The following CD5 variants were observed in gnomAD, a reference collection of about 807,000 sequenced individuals.
CD5 encodes CD5 molecule, also known as T-cell surface glycoprotein CD5.
Under a neutral mutation model 60.3 loss-of-function variants are expected in CD5, and 36 were observed. The observed-to-expected ratio is 0.60, with a 90% CI of 0.46 to 0.79. The LOEUF (loss-of-function observed/expected upper bound fraction) is 0.79. Among genes scored for constraint, CD5 ranks in the 30% least tolerant of loss-of-function variants. CD5 has a pLI of 0.00. For synonymous variants in CD5, 230 were observed against 257.6 expected (o/e 0.89, Z 1.03); for missense variants, 540 against 630.6 (o/e 0.86, Z 1.54).
chr11:61,101,820 C>G (rs1427247209), upstream of CD5, among the ~76,000 whole-genome samples: 1 of 151,852 alleles, frequency 6.6e-6, no homozygotes, highest in Non-Finnish European at 1.5e-5. Context: ...ATGGAGCTCA[C>G]ACATACACCT....
chr11:61,098,217 T>G (rs1332250516), upstream of CD5, among the ~76,000 whole-genome samples: 2 of 152,172 alleles, frequency 1.3e-5, no homozygotes, highest in Non-Finnish European at 2.9e-5. Flanking sequence ...GCTCCCTTGT[T>G]TGCTACCTGT....
chr11:61,101,635 T>TCA (rs762160362), upstream of CD5, among the ~76,000 whole-genome samples: 1 of 134,660 alleles, frequency 7.4e-6, no homozygotes, highest in Non-Finnish European at 1.6e-5. Context: ...AACATGGAGA[T>TCA]CACACACACA....
In CD5 at chr11:61,114,906, C is replaced by A. The variant is rs1860916106; in HGVS notation, c.56-150C>A. Reference sequence around the variant, plus strand: ...ATTCATATCACTCAGGGGTTCCAACCTGGAGTATGAAAATTCCTGTCCCTA... The same window carrying A: ...ATTCATATCACTCAGGGGTTCCAACATGGAGTATGAAAATTCCTGTCCCTA... On this transcript the variant is annotated intron_variant, in intron 1 of 10. Transcript: ENST00000347785. The A allele has an allele frequency of 8.5e-6, 5 of 590,280 alleles. No homozygotes were observed. In the South Asian group the frequency reaches 1.4e-4, roughly 16 times the overall value. 36.6% of individuals were successfully genotyped at this position (590,280 alleles called of 1,614,324 possible).
chr11:61,104,774 C>G (rs1860754734), intron 1 of CD5, among the ~76,000 whole-genome samples: 1 of 152,250 alleles, frequency 6.6e-6, no homozygotes, highest in Non-Finnish European at 1.5e-5. Flanking sequence ...CCCATTGGCC[C>G]CATTTTACAG....
the CD5 span, among the ~76,000 whole-genome samples, chr11:61,095,670 G>A: frequency 4.8e-3 from 727 of 152,270 alleles, 2 homozygotes; most frequent in Non-Finnish European, 7.8e-3. Flanking sequence ...GGACCTGAAC[G>A]AGGGACCAGA....
intron 1 of CD5, among the ~76,000 whole-genome samples, chr11:61,103,058 C>T (rs1343668440): frequency 6.6e-6 from 1 of 152,238 alleles, no homozygotes; most frequent in Non-Finnish European, 1.5e-5. Context: ...TCTGATGATG[C>T]TCTGGACAGA....
intron 2 of CD5, among the ~76,000 whole-genome samples, chr11:61,116,713 TGCACACTATACACACCACA>T (rs1860967278): frequency 5.3e-5 from 1 of 19,020 alleles, no homozygotes; most frequent in Non-Finnish European, 1.6e-4. Context: ...ACACACCACA[TGCACACTATACACACCACA>T]CACACACCAC....
intron 1 of CD5, among the ~76,000 whole-genome samples, chr11:61,108,525 T>A (rs191186692): frequency 3.9e-5 from 6 of 152,352 alleles, no homozygotes; most frequent in African/African-American, 1.4e-4. Context: ...CTTTACGACC[T>A]TCGTTTCCCT....
rs146383797 is a variant in CD5, at chr11:61,118,940, G to A, written c.426G>A (p.Thr142=). ...CLEPQKTTPP[T]TRPPPTTTPE... The stretch of plus-strand genomic sequence containing the variant: ...AACCCCAGAAGACAACACCTCCAAC[G>A]ACAAGGCCCCCGCCCACCACAACTC... Residue 142 remains threonine (T), a synonymous_variant, in exon 4 of 11, where the codon ACG becomes ACA. Transcript: ENST00000347785. The surrounding 1 kb of genome is among the most constrained non-coding windows in gnomAD (Gnocchi z 4.7). 74 of 1,613,776 alleles carry A rather than the reference G, an allele frequency of 4.6e-5. No homozygotes were observed. The African/African-American group carries it at 6.5e-4, about 14-fold the overall frequency.
At chr11:61,106,103 C>A (rs971692393) in intron 1 of CD5, among the ~76,000 whole-genome samples, 7 of 110,372 alleles carry the variant, frequency 6.3e-5, no homozygotes, top group Non-Finnish European at 1.7e-5. Context: ...CCAGCCTGGG[C>A]AACAGAGCAA....
intron 1 of CD5, among the ~76,000 whole-genome samples, chr11:61,104,254 G>A (rs555157594): frequency 6.6e-6 from 1 of 152,286 alleles, no homozygotes; most frequent in East Asian, 1.9e-4. Flanking sequence ...CAACACATGT[G>A]ACAATGGCAC....
chr11:61,116,676 ACAC>A (rs1371545014), intron 2 of CD5, among the ~76,000 whole-genome samples: 43 of 127,982 alleles, frequency 3.4e-4, no homozygotes, highest in Admixed American at 2.0e-3. Flanking sequence ...CCACACACAC[ACAC>A]TACACACACC....
intron 1 of CD5, among the ~76,000 whole-genome samples, chr11:61,104,896 T>A (rs973388187): frequency 2.0e-5 from 3 of 152,074 alleles, no homozygotes; most frequent in African/African-American, 7.2e-5. Flanking sequence ...GCCCCTCCCT[T>A]AGCTAAAAGG....
At chr11:61,105,631 C>T (rs547625435) in intron 1 of CD5, among the ~76,000 whole-genome samples, 44 of 152,262 alleles carry the variant, frequency 2.9e-4, no homozygotes, top group African/African-American at 1.0e-3. Flanking sequence ...CCTGCACAGC[C>T]GTCAATCTCT....
At chr11:61,125,921 C>T in intron 10 of CD5, 80 bp downstream of exon 10, 3 of 817,980 alleles carry the variant, frequency 3.7e-6, no homozygotes, top group Non-Finnish European at 5.6e-6. Context: ...CTCAATGCCT[C>T]CCCTCAGTCC....
chr11:61,102,607 G>T lies in CD5; in HGVS notation c.47G>T (p.Gly16Val). The T allele has an allele frequency of 6.3e-7, 1 of 1,590,372 alleles. No homozygotes were observed. The highest frequency in any genetic ancestry group is 8.6e-7 in the Non-Finnish European group (1 of 1,167,906). Residue 16 changes from glycine (G) to valine (V), a missense_variant, in exon 1 of 11, where the codon GGG becomes GTG. Transcript: ENST00000347785. Reference sequence around the variant, plus strand: ...CCGCTGGCCACCTTGTACCTGCTGGGGATGCTGGGTGAGTACCCCTCCCAG... The same window carrying T: ...CCGCTGGCCACCTTGTACCTGCTGGTGATGCTGGGTGAGTACCCCTCCCAG... ...LQPLATLYLL[G>V]MLVASCLGRL... is the part of the protein sequence containing the mutation.
intron 1 of CD5, among the ~76,000 whole-genome samples, chr11:61,104,863 C>T (rs1352666752): frequency 6.6e-6 from 1 of 152,220 alleles, no homozygotes; most frequent in Non-Finnish European, 1.5e-5. Context: ...TGACCCCAGC[C>T]CAGCATTCCT....
chr11:61,123,812 T>TTCCCCCCCCCC, intron 7 of CD5, 72 bp from the exon 8 acceptor site: 1 of 339,974 alleles, frequency 2.9e-6, no homozygotes, highest in South Asian at 2.5e-5. Flanking sequence ...CCCAGCCCCA[T>TTCCCCCCCCCC]CCCCACCCCT....
intron 1 of CD5, among the ~76,000 whole-genome samples, chr11:61,111,392 C>T (rs1860853449): frequency 6.6e-6 from 1 of 152,174 alleles, no homozygotes; most frequent in Non-Finnish European, 1.5e-5. Context: ...ACTCAACTCT[C>T]GTGATGGGGC....
Sources: allele counts gnomAD v4.1 joint callset (sites outside exome capture counted in the v4.1 genomes callset), GRCh38; gene constraint gnomAD v4.1.1; non-coding constraint Gnocchi (gnomAD v3.1); transcripts MANE v1.5; gene names NCBI Gene and HGNC (gene_info 2026-07-23, HGNC 2026-07-21).